NUDCD1: variants seen among roughly 807,000 people sequenced by gnomAD.
NUDCD1 encodes the protein nudC domain-containing protein 1.
Under a neutral mutation model 67.8 loss-of-function variants are expected in NUDCD1, and 60 were observed. The observed-to-expected ratio is 0.88, with a 90% CI of 0.72 to 1.10. The LOEUF is 1.10. Ranked by LOEUF, NUDCD1 falls within the 50% of genes least tolerant of loss-of-function variation. The probability of loss-of-function intolerance (pLI) is 0.00; values close to 1 mark genes in which losing one functional copy is unlikely to be tolerated. For missense variants in NUDCD1, 643 were observed against 695.0 expected (o/e 0.93, Z 0.84); for synonymous variants, 244 against 230.8 (o/e 1.06, Z -0.52).
intron 7 of NUDCD1, 64 bp downstream of exon 7, chr8:109,275,288 C>T: frequency 6.8e-7 from 1 of 1,462,972 alleles, no homozygotes. Flanking sequence ...AAAAGCATGG[C>T]ATAATCTTCA....
At chr8:109,278,323 T>G (rs906308768) in intron 6 of NUDCD1, among the ~76,000 whole-genome samples, 5 of 152,226 alleles carry the variant, frequency 3.3e-5, no homozygotes, top group Admixed American at 3.3e-4. Flanking sequence ...ATAATAGATT[T>G]GCAAAATGGC....
In NUDCD1 at chr8:109,287,676, C is replaced by T. The variant is rs1814607495; in HGVS notation, c.823+2075G>A. ...GGGTTGAAAAAGTAACTGTTGGGTG[C>T]TATGCTCAGTACCTGGGTGACAGGA... is the stretch of plus-strand genomic sequence containing the variant. On this transcript the variant is annotated intron_variant, in intron 5 of 9. Transcript: ENST00000239690. 2.0e-5 allele frequency among the ~76,000 whole-genome samples: 3 copies of T among 152,114 alleles called. 1 individual carries two copies. The highest frequency in any genetic ancestry group is 2.0e-4 in the Admixed American group (3 of 15,258).
rs191845926 is a variant in NUDCD1 at position 109,309,085 on chromosome 8, A to G, written c.274-12516T>C. ...ACACTATTCCACAAGACAGAGAAAGAGGGAAGCCTCCCTAAATCATTCTAT... is the reference window on the plus strand; with the variant it reads ...ACACTATTCCACAAGACAGAGAAAGGGGGAAGCCTCCCTAAATCATTCTAT... On this transcript the variant is annotated intron_variant, in intron 2 of 9. Coordinates refer to ENST00000239690, the MANE Select transcript of NUDCD1 (RefSeq NM_032869.4). Among the ~76,000 whole-genome samples the G allele has an allele frequency of 2.2e-3, 333 of 152,292 alleles. 1 individual carries two copies. Among genetic ancestry groups the G allele is most frequent in the African/African-American group, 7.7e-3 (321 of 41,562 alleles).
chr8:109,273,084 G>C (rs114627184), intron 7 of NUDCD1, among the ~76,000 whole-genome samples: 3,694 of 152,224 alleles, frequency 0.024, 137 homozygotes, highest in African/African-American at 0.084. Flanking sequence ...AGAGAAAAGG[G>C]TCAAACATGC....
chr8:109,288,313 G>A (rs376658892), intron 5 of NUDCD1, among the ~76,000 whole-genome samples: 43 of 152,130 alleles, frequency 2.8e-4, no homozygotes, highest in African/African-American at 9.2e-4. Context: ...TGGGCAGAAC[G>A]GTTCCAAAGA....
At chr8:109,311,403 C>T (rs575665717) in intron 2 of NUDCD1, among the ~76,000 whole-genome samples, 2 of 151,922 alleles carry the variant, frequency 1.3e-5, no homozygotes, top group African/African-American at 4.8e-5. Context: ...CCATTTGATC[C>T]AGCAATCCCA....
Position 109,275,347 on chromosome 8 carries a change from C to T in NUDCD1, c.1173+5G>A, listed in dbSNP as rs373004903. The T allele has an allele frequency of 1.1e-5, 17 of 1,611,904 alleles. No individual in the cohort carries two copies. Among genetic ancestry groups the T allele is most frequent in the Admixed American group, 1.7e-5 (1 of 59,704 alleles). ...GAAAGTCACACTACTATTCCAACTA[C>T]TTACCAGTTCTTCAGAGGTCAAATG... On this transcript the variant is annotated splice_donor_5th_base_variant and intron_variant, in intron 7 of 9. Transcript: ENST00000239690.
At chr8:109,330,445 A>G (rs777792221) in intron 1 of NUDCD1, among the ~76,000 whole-genome samples, 9 of 152,236 alleles carry the variant, frequency 5.9e-5, no homozygotes, top group Non-Finnish European at 1.3e-4. Flanking sequence ...TCAAATTACC[A>G]GAAGCGCCTC....
intron 8 of NUDCD1, among the ~76,000 whole-genome samples, chr8:109,259,736 T>G (rs1813823353): frequency 6.6e-6 from 1 of 152,204 alleles, no homozygotes. Context: ...GTACTTTAAT[T>G]AAAGCATAAT....
intron 8 of NUDCD1, among the ~76,000 whole-genome samples, chr8:109,249,844 A>C (rs921356823): frequency 7.8e-6 from 1 of 128,362 alleles, no homozygotes; most frequent in African/African-American, 2.8e-5. Flanking sequence ...GAATTGTTGA[A>C]TTCTTTTTTT....
intron 2 of NUDCD1, among the ~76,000 whole-genome samples, chr8:109,309,489 C>T (rs1232093602): frequency 6.6e-6 from 1 of 152,146 alleles, no homozygotes; most frequent in Non-Finnish European, 1.5e-5. Flanking sequence ...CTATGACAAA[C>T]CCACAGCCAA....
chr8:109,298,098 A>T (rs1343726150), intron 2 of NUDCD1, among the ~76,000 whole-genome samples: 1 of 152,120 alleles, frequency 6.6e-6, no homozygotes, highest in Non-Finnish European at 1.5e-5. Context: ...ACTGCTTTAT[A>T]TAATATTAAA....
intron 2 of NUDCD1, among the ~76,000 whole-genome samples, chr8:109,312,927 C>CTACAAATATGACTA (rs1815291096): frequency 1.3e-5 from 2 of 152,186 alleles, no homozygotes; most frequent in Admixed American, 1.3e-4. Flanking sequence ...TATGACCAGG[C>CTACAAATATGACTA]CAATATAAGC....
In NUDCD1 at chr8:109,265,326, A is replaced by AG. The variant is rs199512709; in HGVS notation, c.1299+5678dup. 7.3e-3 allele frequency among the ~76,000 whole-genome samples: 1,111 copies of AG among 152,104 alleles called. 20 individuals are homozygous for AG. Among genetic ancestry groups the AG allele is most frequent in the African/African-American group, 0.026 (1,069 of 41,500 alleles). On this transcript the variant is annotated intron_variant, in intron 8 of 9. Transcript: ENST00000239690. ...TTCCAAATAGTTTAATAAAATATGGAGGGAAAAAAAAAGAATGTAAAGGGG... is the reference window on the plus strand; with the variant it reads ...TTCCAAATAGTTTAATAAAATATGGAGGGGAAAAAAAAAGAATGTAAAGGGG...
At chr8:109,305,966 C>T (rs1259903546) in intron 2 of NUDCD1, among the ~76,000 whole-genome samples, 2 of 152,168 alleles carry the variant, frequency 1.3e-5, no homozygotes, top group African/African-American at 4.8e-5. Context: ...AAGCCCAATA[C>T]ATCCCTTCAT....
At chr8:109,329,703 T>C in intron 1 of NUDCD1, 3 of 1,048,594 alleles carry the variant, frequency 2.9e-6, no homozygotes, top group Non-Finnish European at 2.8e-6. Flanking sequence ...TGTATACATA[T>C]ATCACAACTT....
chr8:109,256,066 C>G (rs1258410389), intron 8 of NUDCD1, among the ~76,000 whole-genome samples: 1 of 151,848 alleles, frequency 6.6e-6, no homozygotes, highest in African/African-American at 2.4e-5. Context: ...CAAAAATTAG[C>G]TAGGCGTGTT....
intron 5 of NUDCD1, among the ~76,000 whole-genome samples, chr8:109,281,855 T>A (rs1814446117): frequency 6.6e-6 from 1 of 152,138 alleles, no homozygotes; most frequent in Admixed American, 6.6e-5. Flanking sequence ...TTTCAGGCAT[T>A]CAAAGCACCT....
chr8:109,286,259 C>G (rs1377365385), intron 5 of NUDCD1, among the ~76,000 whole-genome samples: 3 of 152,010 alleles, frequency 2.0e-5, no homozygotes, highest in African/African-American at 7.2e-5. Context: ...AATGCTACTC[C>G]TATCAAACTA....
Sources: allele counts gnomAD v4.1 joint callset (sites outside exome capture counted in the v4.1 genomes callset), GRCh38; gene constraint gnomAD v4.1.1; transcripts MANE v1.5; gene names NCBI Gene and HGNC (gene_info 2026-07-23, HGNC 2026-07-21).